CAMK1D: variants seen among roughly 807,000 people sequenced by gnomAD.
The protein encoded by CAMK1D is calcium/calmodulin-dependent protein kinase type 1D.
A neutral mutation model predicts 47.7 loss-of-function variants in CAMK1D; 9 were observed. The observed-to-expected ratio is 0.19, with a 90% CI of 0.11 to 0.33. The LOEUF (loss-of-function observed/expected upper bound fraction) is 0.33. CAMK1D is among the 10% of genes least tolerant of loss of function. CAMK1D has a pLI of 1.00. For synonymous variants in CAMK1D, 184 were observed against 184.9 expected (o/e 0.99, Z 0.04); for missense variants, 291 against 488.7 (o/e 0.60, Z 3.81).
intron 1 of CAMK1D, among the ~76,000 whole-genome samples, chr10:12,449,024 C>T (rs1038252602): frequency 3.3e-5 from 5 of 152,206 alleles, no homozygotes; most frequent in South Asian, 4.1e-4. Flanking sequence ...ACACAGCAAG[C>T]GGTTTGTGAT....
At chr10:12,671,477 T>G (rs1840614780) in intron 3 of CAMK1D, among the ~76,000 whole-genome samples, 1 of 152,124 alleles carries the variant, frequency 6.6e-6, no homozygotes, top group South Asian at 2.1e-4. Flanking sequence ...ACTCTCTGTC[T>G]TTTTGACGAT....
rs769668814 is a variant in CAMK1D at position 12,828,811 on chromosome 10, CG to C, written c.1087del (p.Val363SerfsTer15). On this transcript the variant is annotated frameshift_variant, in exon 11 of 11. Coordinates refer to ENST00000619168, the MANE Select transcript of CAMK1D (RefSeq NM_153498.4). LOFTEE classifies it high-confidence loss of function. ...CTCTGTAGTTTCATTTCTTCTTCGT[CG>C]GGGGTCTCAGGAGTTGGAGCCGAGC... ...STLCSFISSS[S>X]GVSGVGAERR... is the part of the protein sequence containing the mutation. The C allele has an allele frequency of 2.1e-5, 34 of 1,613,720 alleles. No individual in the cohort carries two copies. Among genetic ancestry groups the C allele is most frequent in the Middle Eastern group, 1.6e-4 (1 of 6,080 alleles).
In CAMK1D at chr10:12,632,464, G is replaced by A. The variant is rs142760440; in HGVS notation, c.225-34272G>A. On this transcript the variant is annotated intron_variant, in intron 2 of 10. Coordinates refer to ENST00000619168, the MANE Select transcript of CAMK1D (RefSeq NM_153498.4). ...GGTCGGATCAGGGTGGGCCCTTGCA[G>A]GCCATTGGAAGAAGCCTGGATTATA... Among the ~76,000 whole-genome samples, 1,074 of 152,326 alleles carry A rather than the reference G, an allele frequency of 7.1e-3. 8 individuals carry two copies. The highest frequency in any genetic ancestry group is 0.023 in the African/African-American group (971 of 41,574).
chr10:12,745,949 A>G (rs1835653667), intron 3 of CAMK1D, among the ~76,000 whole-genome samples: 1 of 152,192 alleles, frequency 6.6e-6, no homozygotes, highest in Admixed American at 6.5e-5. Context: ...ACTCAAGAAC[A>G]GTCACTTAGT....
At chr10:12,357,560 C>T (rs1837554850) in intron 1 of CAMK1D, among the ~76,000 whole-genome samples, 1 of 152,194 alleles carries the variant, frequency 6.6e-6, no homozygotes, top group Non-Finnish European at 1.5e-5. Context: ...AAGTGATCTG[C>T]TCACCTCAGC....
At position 12,544,895 on chromosome 10, in the gene CAMK1D, T is replaced by C. The variant is rs547106425; in HGVS notation, c.93-8330T>C. 5.9e-5 allele frequency among the ~76,000 whole-genome samples: 9 copies of C among 151,876 alleles called. No individual in the cohort carries two copies. In the East Asian group the frequency reaches 1.7e-3, roughly 29 times the overall value. Reference sequence around the variant, plus strand: ...TTGAGTGGATGGTACTAGTGTTGAGTGGATGGTACTAGTGTTGAGCGGAAG... The same window carrying C: ...TTGAGTGGATGGTACTAGTGTTGAGCGGATGGTACTAGTGTTGAGCGGAAG... On this transcript the variant is annotated intron_variant, in intron 1 of 10. Transcript: ENST00000619168.
At chr10:12,691,400 TATAAATATATATATATA>T (rs1564495608) in intron 3 of CAMK1D, among the ~76,000 whole-genome samples, 2 of 7,570 alleles carry the variant, frequency 2.6e-4, no homozygotes, top group African/African-American at 9.3e-4. Context: ...TATATATATA[TATAAATATATATATATA>T]TATATTTTTT....
At chr10:12,680,196 T>C (rs1336604449) in intron 3 of CAMK1D, among the ~76,000 whole-genome samples, 4 of 152,108 alleles carry the variant, frequency 2.6e-5, no homozygotes, top group African/African-American at 9.7e-5. Flanking sequence ...GGAAAGAGAT[T>C]TGGGGGAGAT....
Position 12,834,657 on chromosome 10 carries a change from A to G in CAMK1D, c.*5770A>G, listed in dbSNP as rs1000832746. ...TTATTATGTCTTCTGATGATTTGCC[A>G]TGTTATTTTAAAGGTGATTTTATTT... On this transcript the variant is annotated 3_prime_UTR_variant, in exon 11 of 11. Coordinates refer to ENST00000619168, the MANE Select transcript of CAMK1D (RefSeq NM_153498.4). 1.3e-5 allele frequency: 2 copies of G among 151,980 alleles called. No homozygotes were observed. Among genetic ancestry groups the G allele is most frequent in the Non-Finnish European group, 2.9e-5 (2 of 68,004 alleles). The allele number at this position is 151,980 out of a possible 1,614,324, so 9.4% of individuals were successfully genotyped here.
chr10:12,416,401 G>A (rs1321784959), intron 1 of CAMK1D, among the ~76,000 whole-genome samples: 2 of 152,190 alleles, frequency 1.3e-5, no homozygotes, highest in Admixed American at 1.3e-4. Flanking sequence ...TGTTTTTCCT[G>A]TCTTGATTGC....
At chr10:12,743,355 A>AT (rs1835519491) in intron 3 of CAMK1D, among the ~76,000 whole-genome samples, 1 of 118,156 alleles carries the variant, frequency 8.5e-6, no homozygotes. Flanking sequence ...TCAAAAAAAA[A>AT]AAAAGAAAAA....
intron 2 of CAMK1D, among the ~76,000 whole-genome samples, chr10:12,590,324 C>T (rs1837960256): frequency 6.6e-6 from 1 of 152,106 alleles, no homozygotes; most frequent in Non-Finnish European, 1.5e-5. Flanking sequence ...CTCAAGCGAT[C>T]CTCCTACCTC....
intron 6 of CAMK1D, among the ~76,000 whole-genome samples, chr10:12,793,212 A>G (rs1381242402): frequency 1.3e-5 from 2 of 152,174 alleles, no homozygotes; most frequent in Admixed American, 6.5e-5. Context: ...AGTCATCTAG[A>G]GAAACCTTCC....
In CAMK1D at chr10:12,554,218, C is replaced by T. The variant is rs534476614; in HGVS notation, c.224+862C>T. On this transcript the variant is annotated intron_variant, in intron 2 of 10. Transcript: ENST00000619168. ...TGTTGCCCAGGCTGGAGTACAATGG[C>T]GCAATCTCAGCTCACTGCAACTTCC... 3.1e-5 allele frequency among the ~76,000 whole-genome samples: 4 copies of T among 130,894 alleles called. 1 individual carries two copies. The highest frequency in any genetic ancestry group is 5.1e-5 in the African/African-American group (2 of 39,346). 85.9% of individuals were successfully genotyped at this position (130,894 alleles called of 152,430 possible).
At chr10:12,540,486 A>G (rs1836130951) in intron 1 of CAMK1D, among the ~76,000 whole-genome samples, 1 of 152,174 alleles carries the variant, frequency 6.6e-6, no homozygotes, top group Non-Finnish European at 1.5e-5. Flanking sequence ...CTGCGTTTGG[A>G]TCAGTGAGGC....
chr10:12,450,683 T>G (rs1319451158), intron 1 of CAMK1D, among the ~76,000 whole-genome samples: 1 of 152,230 alleles, frequency 6.6e-6, no homozygotes, highest in African/African-American at 2.4e-5. Flanking sequence ...TTGTATTTTC[T>G]AGTCTCCATA....
chr10:12,717,356 A>T (rs1834185397), intron 3 of CAMK1D, among the ~76,000 whole-genome samples: 1 of 152,170 alleles, frequency 6.6e-6, no homozygotes. Context: ...ATAAAAAAAT[A>T]ATCACCACCA....
chr10:12,444,810 T>C (rs1009144493), intron 1 of CAMK1D, among the ~76,000 whole-genome samples: 3 of 152,232 alleles, frequency 2.0e-5, no homozygotes, highest in African/African-American at 4.8e-5. Flanking sequence ...AGGGGTTGTG[T>C]AGACCAAGGT....
At chr10:12,370,426 G>T (rs1009960481) in intron 1 of CAMK1D, among the ~76,000 whole-genome samples, 1 of 152,016 alleles carries the variant, frequency 6.6e-6, no homozygotes, top group African/African-American at 2.4e-5. Context: ...AAAAGTCAAC[G>T]GTAGAACAGC....
Sources: allele counts gnomAD v4.1 joint callset (sites outside exome capture counted in the v4.1 genomes callset), GRCh38; gene constraint gnomAD v4.1.1; transcripts MANE v1.5; gene names NCBI Gene and HGNC (gene_info 2026-07-23, HGNC 2026-07-21).